Variants in ATP8A2 observed in about 807,000 individuals in gnomAD.
ATP8A2 encodes the protein ATPase phospholipid transporting 8A2.
ATP8A2 carries 100 observed loss-of-function variants against 165.6 expected under a neutral mutation model. The observed-to-expected ratio is 0.60, with a 90% confidence interval of 0.51 to 0.71. ATP8A2 has a LOEUF of 0.71. ATP8A2 is among the 30% of genes least tolerant of loss of function. The probability of loss-of-function intolerance (pLI) is 0.00; values close to 1 mark genes in which losing one functional copy is unlikely to be tolerated. For missense variants in ATP8A2, 1,227 were observed against 1,479.5 expected (o/e 0.83, Z 2.80); for synonymous variants, 543 against 548.8 (o/e 0.99, Z 0.15).
chr13:25,869,776 G>A (rs919301492), intron 33 of ATP8A2, among the ~76,000 whole-genome samples: 1 of 152,202 alleles, frequency 6.6e-6, no homozygotes, highest in Non-Finnish European at 1.5e-5. Context: ...GCATACAGAT[G>A]GGCAGGCTGT....
chr13:25,793,102 A>C (rs1230843066), intron 27 of ATP8A2, among the ~76,000 whole-genome samples: 4 of 152,134 alleles, frequency 2.6e-5, no homozygotes, highest in Non-Finnish European at 1.5e-5. Flanking sequence ...CTTTTCCCAC[A>C]CTGACTGTAA....
intron 33 of ATP8A2, among the ~76,000 whole-genome samples, chr13:25,879,432 G>T (rs1952910988): frequency 1.3e-5 from 2 of 152,204 alleles, no homozygotes; most frequent in Admixed American, 6.5e-5. Context: ...AACAGAAAAA[G>T]AATGCATAGA....
At chr13:25,761,198 G>A (rs1010103735) in intron 25 of ATP8A2, among the ~76,000 whole-genome samples, 9 of 152,252 alleles carry the variant, frequency 5.9e-5, no homozygotes, top group Middle Eastern at 3.4e-3. Context: ...AAATAATACC[G>A]TCAGTACATC....
intron 33 of ATP8A2, among the ~76,000 whole-genome samples, chr13:25,931,354 C>G (rs753565899): frequency 6.6e-6 from 1 of 152,206 alleles, no homozygotes. Context: ...TTCCAAAATT[C>G]AAGAAAATCT....
chr13:25,535,216 A>AGGGGAAGCTGGCTGT (rs2038239397), intron 6 of ATP8A2, among the ~76,000 whole-genome samples: 3 of 152,200 alleles, frequency 2.0e-5, no homozygotes. Context: ...GTGTCAGGCA[A>AGGGGAAGCTGGCTGT]GGGGAAGCTG....
At chr13:25,461,489 G>C (rs997796723) in intron 1 of ATP8A2, among the ~76,000 whole-genome samples, 1 of 152,172 alleles carries the variant, frequency 6.6e-6, no homozygotes, top group African/African-American at 2.4e-5. Flanking sequence ...ATGTGTATAT[G>C]CATGCACACG....
At chr13:25,406,818 T>C (rs1184430226) in intron 1 of ATP8A2, among the ~76,000 whole-genome samples, 2 of 152,238 alleles carry the variant, frequency 1.3e-5, no homozygotes, top group Non-Finnish European at 2.9e-5. Context: ...CAGATACTTA[T>C]ATTTCACAAA....
At chr13:25,443,273 A>G (rs1268370075) in intron 1 of ATP8A2, among the ~76,000 whole-genome samples, 1 of 152,236 alleles carries the variant, frequency 6.6e-6, no homozygotes, top group African/African-American at 2.4e-5. Context: ...TCTTCACTTC[A>G]GATGGAATTT....
At chr13:25,444,358 T>C (rs184545026) in intron 1 of ATP8A2, among the ~76,000 whole-genome samples, 419 of 152,314 alleles carry the variant, frequency 2.8e-3, no homozygotes, top group South Asian at 8.7e-3. Flanking sequence ...AGTTCTTGTA[T>C]GAATTTTTGT....
At chr13:25,967,090 G>T (rs1302593099) in intron 34 of ATP8A2, among the ~76,000 whole-genome samples, 2 of 152,232 alleles carry the variant, frequency 1.3e-5, no homozygotes, top group African/African-American at 4.8e-5. Flanking sequence ...GGAGATAAAA[G>T]ACCACTTTTG....
intron 33 of ATP8A2, among the ~76,000 whole-genome samples, chr13:25,958,230 T>C (rs958227466): frequency 6.6e-6 from 1 of 151,822 alleles, no homozygotes. Flanking sequence ...CAAACCACCA[T>C]GGCACGTGTA....
intron 26 of ATP8A2, among the ~76,000 whole-genome samples, chr13:25,770,741 C>T (rs1364302050): frequency 6.6e-6 from 1 of 152,176 alleles, no homozygotes; most frequent in Non-Finnish European, 1.5e-5. Context: ...GGGCCTGTCC[C>T]TCTGTCTCCA....
At chr13:25,463,550 G>A (rs2035559774) in intron 1 of ATP8A2, among the ~76,000 whole-genome samples, 1 of 152,050 alleles carries the variant, frequency 6.6e-6, no homozygotes, top group South Asian at 2.1e-4. Flanking sequence ...ATTAGGTGTT[G>A]TCCTCACTTT....
intron 1 of ATP8A2, among the ~76,000 whole-genome samples, chr13:25,397,055 GT>G (rs2033451417): frequency 6.6e-6 from 1 of 152,184 alleles, no homozygotes; most frequent in South Asian, 2.1e-4. Flanking sequence ...GGGGGTGGCT[GT>G]TTTCGCTGAG....
chr13:25,427,416 G>C (rs547479480), intron 1 of ATP8A2, among the ~76,000 whole-genome samples: 1 of 152,028 alleles, frequency 6.6e-6, no homozygotes, highest in African/African-American at 2.4e-5. Flanking sequence ...ATATCACAAT[G>C]TAATAATAAT....
intron 24 of ATP8A2, among the ~76,000 whole-genome samples, chr13:25,610,938 T>C (rs1007576582): frequency 1.3e-5 from 2 of 151,502 alleles, no homozygotes; most frequent in African/African-American, 2.4e-5. Flanking sequence ...TTGATTTGAT[T>C]CTCACCTTAG....
At chr13:25,816,169 ATGTT>A (rs1173736207) in intron 27 of ATP8A2, among the ~76,000 whole-genome samples, 4 of 152,194 alleles carry the variant, frequency 2.6e-5, no homozygotes, top group Admixed American at 2.0e-4. Flanking sequence ...GGTGAATTTT[ATGTT>A]CTGTATATTT....
At chr13:25,870,085 G>T (rs923466252) in intron 33 of ATP8A2, among the ~76,000 whole-genome samples, 1 of 152,194 alleles carries the variant, frequency 6.6e-6, no homozygotes, top group African/African-American at 2.4e-5. Flanking sequence ...CTTTTCCCTG[G>T]AGTTGAGCCA....
chr13:25,922,904 G>T (rs1954501741), intron 33 of ATP8A2, among the ~76,000 whole-genome samples: 1 of 152,114 alleles, frequency 6.6e-6, no homozygotes, highest in South Asian at 2.1e-4. Context: ...CCAGACCCTT[G>T]CCTGCTAGGA....
Sources: gnomAD v4.1 joint callset for allele counts (sites outside exome capture counted in the v4.1 genomes callset) on GRCh38, gnomAD v4.1.1 for gene constraint, MANE v1.5 for transcripts, NCBI Gene and HGNC (gene_info 2026-07-23, HGNC 2026-07-21) for gene names.